Variants in NTMT1 observed in about 807,000 individuals in gnomAD.
The protein encoded by NTMT1 is N-terminal Xaa-Pro-Lys N-methyltransferase 1.
NTMT1 carries 8 observed loss-of-function variants against 17.5 expected under a neutral mutation model. The ratio of observed to expected loss-of-function variants is 0.46; its 90% CI spans 0.27 to 0.82. NTMT1 has a LOEUF of 0.82. NTMT1 is among the 40% of genes least tolerant of loss of function. The pLI is 0.15. For synonymous variants in NTMT1, 128 were observed against 126.8 expected, an observed-to-expected ratio of 1.01 and a Z score of -0.06; for missense variants, 221 against 303.5, an observed-to-expected ratio of 0.73 and a Z score of 2.02.
In NTMT1 at chr9:129,613,491, G is replaced by A. The variant is rs762979793; in HGVS notation, c.-55+4313G>A. 3.1e-6 allele frequency: 5 copies of A among 1,614,172 alleles called. No individual in the cohort carries two copies. In the South Asian group the frequency reaches 3.3e-5, roughly 11 times the overall value. On this transcript the variant is annotated intron_variant, in intron 1 of 3. Coordinates refer to the NTMT1 transcript ENST00000372486. This position sits in a 1 kb window ranked among gnomAD's most constrained non-coding sequence, Gnocchi z 6.2. ...CCAGGGTCTCCTCCTTGGCCCCAGG[G>A]TACAGGGCTTTGGGCAAACTCTCCA...
At chr9:129,629,790 C>G (rs1161743617) in intron 1 of NTMT1, among the ~76,000 whole-genome samples, 1 of 152,204 alleles carries the variant, frequency 6.6e-6, no homozygotes, top group Non-Finnish European at 1.5e-5. Context: ...GGTCAGTCTG[C>G]GAGCGGATTC....
At chr9:129,615,644 C>A in intron 1 of NTMT1, 3 of 1,557,642 alleles carry the variant, frequency 1.9e-6, no homozygotes, top group Non-Finnish European at 2.6e-6. Context: ...CACCGTGGGG[C>A]CTGCTGAGAG....
chr9:129,616,308 C>T (rs1171727901), intron 1 of NTMT1, among the ~76,000 whole-genome samples: 3 of 152,152 alleles, frequency 2.0e-5, no homozygotes, highest in East Asian at 1.9e-4. Flanking sequence ...CTCCGCCTCC[C>T]GGGTTCACGC....
chr9:129,612,276 T>C (rs1830130269), intron 1 of NTMT1: 1 of 1,338,796 alleles, frequency 7.5e-7, no homozygotes, highest in Non-Finnish European at 1.1e-6. Flanking sequence ...TGTGCCTTTA[T>C]TTGTGGGGCA....
upstream of NTMT1, among the ~76,000 whole-genome samples, chr9:129,624,624 A>G (rs773634297): frequency 6.6e-6 from 1 of 152,182 alleles, no homozygotes; most frequent in Non-Finnish European, 1.5e-5. Flanking sequence ...ACACCAGGAT[A>G]GTATTATTAT....
rs1831227003 is a variant in NTMT1 at position 129,632,596 on chromosome 9, G to A, written c.-54-54G>A. 8 of 1,336,180 alleles carry A rather than the reference G, an allele frequency of 6.0e-6. No individual in the cohort carries two copies. In the Admixed American group the frequency reaches 1.2e-4, roughly 20 times the overall value. 82.8% of individuals were successfully genotyped at this position (1,336,180 alleles called of 1,614,324 possible). A position where few individuals can be genotyped will look rare whatever the true frequency, so the allele number is the denominator to read the frequency against. Reference sequence around the variant, plus strand: ...GTGTGAGACTGGCCCTCTGCCCTGGGGGCCTTTCTGCCAGGTCCCTGGCCC... The same window carrying A: ...GTGTGAGACTGGCCCTCTGCCCTGGAGGCCTTTCTGCCAGGTCCCTGGCCC... On this transcript the variant is annotated intron_variant, in intron 1 of 3. Transcript: ENST00000372483.
chr9:129,623,332 CAA>C (rs756768206), upstream of NTMT1, among the ~76,000 whole-genome samples: 24 of 10,676 alleles, frequency 2.2e-3, no homozygotes, highest in South Asian at 3.1e-3. Flanking sequence ...GATTCCATCT[CAA>C]AAAAAAAAAA....
In NTMT1 at chr9:129,610,317, G is replaced by T. The variant is rs534725263; in HGVS notation, c.-55+1139G>T. ...CAGGCCCCGCCCCCCCCCCACCGGC[G>T]TGGTGCCCCCGGCGCGAGCAAGGGC... On this transcript the variant is annotated intron_variant, in intron 1 of 3. Transcript: ENST00000372486. 8.3e-3 allele frequency among the ~76,000 whole-genome samples: 1,214 copies of T among 145,552 alleles called. 12 individuals are homozygous for T. The highest frequency in any genetic ancestry group is 0.021 in the Middle Eastern group (6 of 282).
chr9:129,616,504 C>G (rs1215469419), intron 1 of NTMT1, among the ~76,000 whole-genome samples: 1 of 152,190 alleles, frequency 6.6e-6, no homozygotes, highest in African/African-American at 2.4e-5. Context: ...GCATGAGCCA[C>G]CGCCCGCCCG....
chr9:129,620,478 G>A lies in NTMT1; in HGVS notation c.-55+11300G>A. On this transcript the variant is annotated intron_variant, in intron 1 of 3. Coordinates refer to the NTMT1 transcript ENST00000372486. This position sits in a 1 kb window ranked among gnomAD's most constrained non-coding sequence, Gnocchi z 5.8. ...CGGAGCGCGGGCGGGGTCAGCTTGG[G>A]CAGCCGCGGGTCGCTGCTGCGTCGG... 2 of 1,378,822 alleles carry A rather than the reference G, an allele frequency of 1.5e-6. No individual in the cohort carries two copies. Among genetic ancestry groups the A allele is most frequent in the Non-Finnish European group, 1.9e-6 (2 of 1,061,096 alleles). 85.4% of individuals were successfully genotyped at this position (1,378,822 alleles called of 1,614,324 possible).
At chr9:129,610,329 G>A (rs1830085126) in intron 1 of NTMT1, among the ~76,000 whole-genome samples, 1 of 144,444 alleles carries the variant, frequency 6.9e-6, no homozygotes. Flanking sequence ...GGTGCCCCCG[G>A]CGCGAGCAAG....
intron 2 of NTMT1, chr9:129,633,361 C>T (rs966651908): frequency 1.3e-5 from 3 of 237,576 alleles, no homozygotes; most frequent in East Asian, 8.0e-5. Flanking sequence ...CTCCATCCAG[C>T]GCCTCCCCTC....
intron 1 of NTMT1, among the ~76,000 whole-genome samples, chr9:129,629,404 T>TTC (rs557213728): frequency 0.011 from 1,186 of 105,394 alleles, 17 homozygotes; most frequent in African/African-American, 0.039. Flanking sequence ...TCTTCTTCTT[T>TTC]TTTTGACACA....
intron 1 of NTMT1, among the ~76,000 whole-genome samples, chr9:129,630,679 C>G (rs779891551): frequency 1.6e-4 from 24 of 152,176 alleles, no homozygotes; most frequent in South Asian, 2.1e-4. Flanking sequence ...GGCAGACGGT[C>G]TTGGACCTAC....
chr9:129,615,670 G>A (rs765064776), intron 1 of NTMT1: 5 of 1,508,456 alleles, frequency 3.3e-6, no homozygotes, highest in Non-Finnish European at 4.4e-6. Flanking sequence ...AGAGGGGCCT[G>A]TGCTCGAAGC....
intron 1 of NTMT1, among the ~76,000 whole-genome samples, chr9:129,611,453 G>A (rs972895641): frequency 2.0e-5 from 3 of 152,230 alleles, no homozygotes; most frequent in African/African-American, 7.2e-5. Context: ...CAGACTAGGA[G>A]AGAAACCGTG....
intron 1 of NTMT1, among the ~76,000 whole-genome samples, chr9:129,631,924 C>T (rs555298991): frequency 5.5e-4 from 83 of 152,160 alleles, no homozygotes; most frequent in Non-Finnish European, 6.3e-4. Flanking sequence ...TGGCTGGCTG[C>T]CTGGTTCACA....
At chr9:129,627,047 A>G (rs762371244) in intron 1 of NTMT1, among the ~76,000 whole-genome samples, 5 of 152,214 alleles carry the variant, frequency 3.3e-5, no homozygotes, top group Non-Finnish European at 7.4e-5. Flanking sequence ...GGGCTGGTAT[A>G]AGGAGCCTGG....
chr9:129,635,046 G>A (rs1315887443), intron 3 of NTMT1, 162 bp from the exon 4 acceptor site: 5 of 769,782 alleles, frequency 6.5e-6, no homozygotes, highest in Non-Finnish European at 1.0e-5. Context: ...TCTATGAATT[G>A]GGGTTTAGTA....
Sources: gnomAD v4.1 joint callset for allele counts (sites outside exome capture counted in the v4.1 genomes callset) on GRCh38, gnomAD v4.1.1 for gene constraint, Gnocchi (gnomAD v3.1) non-coding constraint, MANE v1.5 for transcripts, NCBI Gene and HGNC (gene_info 2026-07-23, HGNC 2026-07-21) for gene names.